Variants in UBE2E2 observed in about 807,000 individuals in gnomAD.
UBE2E2 encodes ubiquitin conjugating enzyme E2 E2, also known as ubiquitin-conjugating enzyme E2 E2.
UBE2E2 carries 6 observed loss-of-function variants against 24.7 expected under a neutral mutation model. The ratio of observed to expected loss-of-function variants is 0.24; its 90% CI spans 0.13 to 0.48. UBE2E2 has a LOEUF of 0.48. UBE2E2 is among the 20% of genes least tolerant of loss of function. The pLI, the probability that UBE2E2 is intolerant of heterozygous loss-of-function variation, is 0.99. For missense variants in UBE2E2, 169 were observed against 245.0 expected (o/e 0.69, Z 2.07); for synonymous variants, 104 against 83.6 (o/e 1.24, Z -1.33).
intron 5 of UBE2E2, among the ~76,000 whole-genome samples, chr3:23,551,934 G>A (rs149744934): frequency 1.3e-5 from 2 of 152,324 alleles, no homozygotes; most frequent in East Asian, 3.9e-4. Flanking sequence ...GGTCATAAGG[G>A]TGGAACCCTG....
chr3:23,566,422 G>A (rs1418543602), intron 5 of UBE2E2, among the ~76,000 whole-genome samples: 1 of 152,164 alleles, frequency 6.6e-6, no homozygotes, highest in African/African-American at 2.4e-5. Context: ...TCTCGTAGTG[G>A]ACAGCCTGAA....
At chr3:23,510,257 T>C (rs972382417) in intron 4 of UBE2E2, among the ~76,000 whole-genome samples, 6 of 152,162 alleles carry the variant, frequency 3.9e-5, no homozygotes, top group Non-Finnish European at 7.3e-5. Context: ...GCAGGTCTTG[T>C]CCTGCCAAAA....
At chr3:23,564,518 C>A (rs771327757) in intron 5 of UBE2E2, among the ~76,000 whole-genome samples, 106 of 152,138 alleles carry the variant, frequency 7.0e-4, no homozygotes, top group Non-Finnish European at 7.5e-4. Context: ...CATTAGGGAA[C>A]CTGTGACTGT....
intron 3 of UBE2E2, among the ~76,000 whole-genome samples, chr3:23,233,848 G>T (rs572331344): frequency 6.6e-6 from 1 of 151,996 alleles, no homozygotes; most frequent in Non-Finnish European, 1.5e-5. Flanking sequence ...ATATTCATGG[G>T]ATATGAATCA....
At chr3:23,360,539 G>A (rs923432720) in intron 3 of UBE2E2, among the ~76,000 whole-genome samples, 6 of 152,114 alleles carry the variant, frequency 3.9e-5, no homozygotes, top group Non-Finnish European at 8.8e-5. Context: ...GGAGAGCATA[G>A]AAGAAGAGAT....
chr3:23,204,951 G>C (rs1696105947), intron 1 of UBE2E2, among the ~76,000 whole-genome samples: 1 of 152,158 alleles, frequency 6.6e-6, no homozygotes, highest in Non-Finnish European at 1.5e-5. Flanking sequence ...TAGTAGGCTG[G>C]ATTTATGGAA....
Position 23,546,663 on chromosome 3 carries a change from G to A in UBE2E2, c.508+13962G>A, listed in dbSNP as rs534190060. On this transcript the variant is annotated intron_variant, in intron 5 of 5. Transcript: ENST00000396703. Reference sequence around the variant, plus strand: ...TAATTTTGTATTTTTAGTAGAGGTGGGGTTTCTCCATGTTGGTCAGGCTGG... The same window carrying A: ...TAATTTTGTATTTTTAGTAGAGGTGAGGTTTCTCCATGTTGGTCAGGCTGG... Among the ~76,000 whole-genome samples the A allele has an allele frequency of 4.4e-4, 66 of 151,320 alleles. 1 individual carries two copies. Among genetic ancestry groups the A allele is most frequent in the African/African-American group, 1.6e-3 (64 of 41,182 alleles).
chr3:23,232,252 G>C (rs745839535), intron 3 of UBE2E2, among the ~76,000 whole-genome samples: 4 of 152,166 alleles, frequency 2.6e-5, no homozygotes, highest in Non-Finnish European at 5.9e-5. Context: ...TACATTCCAA[G>C]GATTTTAGGA....
intron 5 of UBE2E2, among the ~76,000 whole-genome samples, chr3:23,549,653 A>G (rs910527110): frequency 6.6e-6 from 1 of 152,156 alleles, no homozygotes; most frequent in Admixed American, 6.5e-5. Flanking sequence ...TTTGAAGGCT[A>G]TGAGTATCAT....
At chr3:23,226,794 A>G (rs1263123433) in intron 3 of UBE2E2, among the ~76,000 whole-genome samples, 1 of 152,168 alleles carries the variant, frequency 6.6e-6, no homozygotes, top group Non-Finnish European at 1.5e-5. Context: ...TTTGAGGTTT[A>G]AATACTGAGT....
At chr3:23,578,271 T>TC (rs1696393130) in intron 5 of UBE2E2, among the ~76,000 whole-genome samples, 1 of 151,924 alleles carries the variant, frequency 6.6e-6, no homozygotes, top group Non-Finnish European at 1.5e-5. Context: ...TATTAACAAG[T>TC]CAAAAAACAA....
intron 3 of UBE2E2, among the ~76,000 whole-genome samples, chr3:23,424,461 G>A (rs1320535651): frequency 1.4e-5 from 2 of 144,788 alleles, no homozygotes; most frequent in Non-Finnish European, 3.0e-5. Context: ...TTCTGTATTT[G>A]CTTTAAGTGA....
intron 3 of UBE2E2, among the ~76,000 whole-genome samples, chr3:23,409,318 A>G (rs1306192352): frequency 6.6e-6 from 1 of 152,216 alleles, no homozygotes; most frequent in Admixed American, 6.5e-5. Context: ...CATGGCTGTG[A>G]TGTAATGCCA....
intron 3 of UBE2E2, among the ~76,000 whole-genome samples, chr3:23,330,497 G>A (rs556574931): frequency 6.6e-6 from 1 of 152,170 alleles, no homozygotes; most frequent in African/African-American, 2.4e-5. Context: ...AGAAAGATTA[G>A]AATCCTGTGG....
chr3:23,472,181 TATAAG>T (rs1375675073), intron 3 of UBE2E2, among the ~76,000 whole-genome samples: 1 of 152,150 alleles, frequency 6.6e-6, no homozygotes, highest in Non-Finnish European at 1.5e-5. Flanking sequence ...CAATGGAGTA[TATAAG>T]ATATTTTAGA....
rs1371312973 is a variant in UBE2E2, at chr3:23,590,615, TGACCGCTG to T, written c.*785_*792del. 1 of 152,682 alleles carries T rather than the reference TGACCGCTG, an allele frequency of 6.5e-6. No homozygotes were observed. Among genetic ancestry groups the T allele is most frequent in the East Asian group, 1.9e-4 (1 of 5,206 alleles). The allele number at this position is 152,682 out of a possible 1,614,324, so 9.5% of individuals were successfully genotyped here. On this transcript the variant is annotated 3_prime_UTR_variant, in exon 6 of 6. Coordinates refer to ENST00000396703, the MANE Select transcript of UBE2E2 (RefSeq NM_152653.4). ...ACCCGACATTTGCTTTGTGTCCTGGTGACCGCTGTAGCCCTACGTGCAGTGAGGCTTGT... is the reference window on the plus strand; with the variant it reads ...ACCCGACATTTGCTTTGTGTCCTGGTTAGCCCTACGTGCAGTGAGGCTTGT...
chr3:23,411,010 T>C (rs1384626386), intron 3 of UBE2E2, among the ~76,000 whole-genome samples: 1 of 152,136 alleles, frequency 6.6e-6, no homozygotes, highest in African/African-American at 2.4e-5. Context: ...TTTTTTAAAG[T>C]TCATTGAACA....
intron 3 of UBE2E2, among the ~76,000 whole-genome samples, chr3:23,359,592 T>G (rs1323634445): frequency 6.6e-6 from 1 of 152,214 alleles, no homozygotes; most frequent in Non-Finnish European, 1.5e-5. Context: ...TAAAAAAAAT[T>G]TGTAGCACGT....
chr3:23,565,092 C>G (rs753277025), intron 5 of UBE2E2, among the ~76,000 whole-genome samples: 3 of 152,058 alleles, frequency 2.0e-5, no homozygotes, highest in Non-Finnish European at 2.9e-5. Flanking sequence ...CACACAGACA[C>G]GCTTTTGTTC....
Sources: gnomAD v4.1 joint callset for allele counts (sites outside exome capture counted in the v4.1 genomes callset) on GRCh38, gnomAD v4.1.1 for gene constraint, MANE v1.5 for transcripts, NCBI Gene and HGNC (gene_info 2026-07-23, HGNC 2026-07-21) for gene names.